P3H2: variants seen among roughly 807,000 people sequenced by gnomAD.
P3H2 encodes prolyl 3-hydroxylase 2.
In P3H2, 80 loss-of-function variants were observed where a neutral mutation model predicts 87.0. That is an observed-to-expected ratio of 0.92 (90% CI 0.77 to 1.11). The LOEUF (loss-of-function observed/expected upper bound fraction) is 1.11, where lower values mean the gene tolerates loss of function less well. Ranked by LOEUF, P3H2 falls within the 50% of genes least tolerant of loss-of-function variation. The probability of loss-of-function intolerance (pLI) is 0.00; values close to 1 mark genes in which losing one functional copy is unlikely to be tolerated. For missense variants in P3H2, 1,001 were observed against 923.9 expected (o/e 1.08, Z -1.08); for synonymous variants, 367 against 359.3 (o/e 1.02, Z -0.24).
At chr3:189,987,235 GA>G (rs1723729400) in intron 5 of P3H2, among the ~76,000 whole-genome samples, 1 of 152,142 alleles carries the variant, frequency 6.6e-6, no homozygotes, top group Non-Finnish European at 1.5e-5. Context: ...AGCACTTTGG[GA>G]GGACGAGGCG....
chr3:190,027,451 T>C (rs1317273474), intron 1 of P3H2, among the ~76,000 whole-genome samples: 3 of 152,102 alleles, frequency 2.0e-5, no homozygotes, highest in Non-Finnish European at 2.9e-5. Flanking sequence ...TGAACAGTAC[T>C]GGAATAAAAT....
At chr3:190,070,828 T>C (rs914113016) in intron 1 of P3H2, among the ~76,000 whole-genome samples, 2 of 152,208 alleles carry the variant, frequency 1.3e-5, no homozygotes, top group African/African-American at 4.8e-5. Flanking sequence ...CGCTTATGCA[T>C]TGCTCACACT....
rs138834485 is a variant in P3H2 at position 189,981,766 on chromosome 3, G to A, written c.1324+1280C>T. ...TCCCAAACATTTACAGCAATGTGTT[G>A]GCTTATTGGCATGAACTTCCTGGGT... On this transcript the variant is annotated intron_variant, in intron 8 of 14. Coordinates refer to ENST00000319332, the MANE Select transcript of P3H2 (RefSeq NM_018192.4). Among the ~76,000 whole-genome samples, 273 of 152,298 alleles carry A rather than the reference G, an allele frequency of 1.8e-3. 1 individual carries two copies. The highest frequency in any genetic ancestry group is 6.2e-3 in the African/African-American group (258 of 41,552).
intron 1 of P3H2, among the ~76,000 whole-genome samples, chr3:190,030,095 C>T (rs1725207601): frequency 6.6e-6 from 1 of 151,648 alleles, no homozygotes; most frequent in Admixed American, 6.6e-5. Context: ...TATATAATTA[C>T]ATAAAATGTT....
At chr3:190,049,148 T>C (rs1000082597) in intron 1 of P3H2, among the ~76,000 whole-genome samples, 1 of 152,164 alleles carries the variant, frequency 6.6e-6, no homozygotes, top group Non-Finnish European at 1.5e-5. Context: ...AAACTGCATG[T>C]TCATAAATCT....
intron 1 of P3H2, among the ~76,000 whole-genome samples, chr3:189,996,798 C>T (rs1724064777): frequency 6.6e-6 from 1 of 151,882 alleles, no homozygotes; most frequent in South Asian, 2.1e-4. Context: ...TAAATTATTC[C>T]AATGCATAAA....
At chr3:190,095,823 C>T (rs1399368739) in intron 1 of P3H2, among the ~76,000 whole-genome samples, 1 of 151,978 alleles carries the variant, frequency 6.6e-6, no homozygotes, top group Non-Finnish European at 1.5e-5. Flanking sequence ...AGGATGGTCT[C>T]GATCTCCTGA....
chr3:190,093,408 G>T (rs747493401), intron 1 of P3H2, among the ~76,000 whole-genome samples: 1 of 152,184 alleles, frequency 6.6e-6, no homozygotes, highest in Non-Finnish European at 1.5e-5. Context: ...TTGGTCTGGA[G>T]AGAAAGGGAA....
chr3:189,980,008 A>AGAAT (rs976053413), intron 8 of P3H2, among the ~76,000 whole-genome samples: 30 of 152,170 alleles, frequency 2.0e-4, no homozygotes, highest in African/African-American at 6.7e-4. Context: ...GAGTGAAAGG[A>AGAAT]GAATGGACAA....
At chr3:190,122,002 T>G (rs534262329), upstream of P3H2, among the ~76,000 whole-genome samples, 652 of 146,484 alleles carry the variant, frequency 4.5e-3, 6 homozygotes, top group African/African-American at 0.017. Context: ...TGAGGCAGGA[T>G]AATTGCTTGA....
intron 1 of P3H2, among the ~76,000 whole-genome samples, chr3:190,039,461 T>C (rs1725533522): frequency 6.6e-6 from 1 of 152,182 alleles, no homozygotes; most frequent in African/African-American, 2.4e-5. Context: ...TCTTCACAGA[T>C]GAGAAAACAG....
chr3:189,993,761 G>C (rs944624014), intron 3 of P3H2, among the ~76,000 whole-genome samples: 1 of 151,994 alleles, frequency 6.6e-6, no homozygotes, highest in Admixed American at 6.6e-5. Context: ...ACGTACTTAC[G>C]TGAGAAGAAG....
chr3:189,961,499 C>A (rs923546018), intron 14 of P3H2, among the ~76,000 whole-genome samples: 1 of 151,918 alleles, frequency 6.6e-6, no homozygotes, highest in Non-Finnish European at 1.5e-5. Context: ...CATAGGTAGG[C>A]ATTTTTTTTT....
At chr3:190,072,968 A>G (rs1013418563) in intron 1 of P3H2, among the ~76,000 whole-genome samples, 1 of 152,216 alleles carries the variant, frequency 6.6e-6, no homozygotes, top group Non-Finnish European at 1.5e-5. Flanking sequence ...TTCTTAAATC[A>G]CTATTGTAAC....
Position 190,012,438 on chromosome 3 carries a change from C to T in P3H2, c.481-16996G>A, listed in dbSNP as rs115789519. ...CTGGTCTAAGGATAAAGTTCAAATTCCTAAACATGACTCACAAGCTCTTGC... is the reference window on the plus strand; with the variant it reads ...CTGGTCTAAGGATAAAGTTCAAATTTCTAAACATGACTCACAAGCTCTTGC... On this transcript the variant is annotated intron_variant, in intron 1 of 14. Transcript: ENST00000319332. Among the ~76,000 whole-genome samples the T allele has an allele frequency of 7.6e-3, 1,157 of 152,246 alleles. 7 individuals are homozygous for T. Among genetic ancestry groups the T allele is most frequent in the Middle Eastern group, 0.027 (8 of 294 alleles).
intron 1 of P3H2, among the ~76,000 whole-genome samples, chr3:190,045,935 C>A (rs549694586): frequency 1.3e-5 from 2 of 152,162 alleles, no homozygotes; most frequent in South Asian, 2.1e-4. Flanking sequence ...TCCTGGCTAA[C>A]ATGGTGAAAC....
At chr3:189,982,758 G>A (rs779641216) in intron 8 of P3H2, among the ~76,000 whole-genome samples, 1 of 152,158 alleles carries the variant, frequency 6.6e-6, no homozygotes, top group African/African-American at 2.4e-5. Context: ...TAAGCCTCCG[G>A]TATTCTGAGA....
At chr3:190,059,447 T>A (rs1481051845) in intron 1 of P3H2, among the ~76,000 whole-genome samples, 1 of 152,032 alleles carries the variant, frequency 6.6e-6, no homozygotes, top group Non-Finnish European at 1.5e-5. Flanking sequence ...TCACTGGTTT[T>A]AGTCATGGGG....
At position 190,111,807 on chromosome 3, in the gene P3H2, T is replaced by C. The variant is rs557116099; in HGVS notation, c.480+8445A>G. Among the ~76,000 whole-genome samples, 114 of 152,330 alleles carry C rather than the reference T, an allele frequency of 7.5e-4. 1 individual carries two copies. In the South Asian group the frequency reaches 0.014, roughly 19 times the overall value. ...CATCTAATTTACCTGATGCATGGAT[T>C]CTTGCCATAAACAATATTCTTGACA... On this transcript the variant is annotated intron_variant, in intron 1 of 14. Coordinates refer to ENST00000319332, the MANE Select transcript of P3H2 (RefSeq NM_018192.4).
Sources: allele counts gnomAD v4.1 joint callset (sites outside exome capture counted in the v4.1 genomes callset), GRCh38; gene constraint gnomAD v4.1.1; transcripts MANE v1.5; gene names NCBI Gene and HGNC (gene_info 2026-07-23, HGNC 2026-07-21).